The following RALYL variants were observed in gnomAD, a reference collection of about 807,000 sequenced individuals.
The protein encoded by RALYL is RNA-binding Raly-like protein.
Under a neutral mutation model 35.1 loss-of-function variants are expected in RALYL, and 29 were observed. That is an observed-to-expected ratio of 0.83 (90% CI 0.61 to 1.13). The LOEUF (loss-of-function observed/expected upper bound fraction) is 1.13. Ranked by LOEUF, RALYL falls within the 50% of genes most tolerant of loss-of-function variation. The pLI is 0.00. For missense variants in RALYL, 359 were observed against 360.4 expected (o/e 1.00, Z 0.03); for synonymous variants, 120 against 127.6 (o/e 0.94, Z 0.40).
intron 2 of RALYL, among the ~76,000 whole-genome samples, chr8:84,728,922 T>G (rs1314370427): frequency 1.3e-5 from 2 of 152,196 alleles, no homozygotes; most frequent in Non-Finnish European, 2.9e-5. Flanking sequence ...GCCTCCAGCT[T>G]TGTTCTTTTG....
chr8:84,853,838 C>CT (rs1836384202), intron 5 of RALYL, among the ~76,000 whole-genome samples: 1 of 149,394 alleles, frequency 6.7e-6, no homozygotes, highest in Non-Finnish European at 1.5e-5. Flanking sequence ...TTTGTGTTTT[C>CT]TTTTTCTCTC....
chr8:84,361,888 C>A (rs1853119294), intron 1 of RALYL, among the ~76,000 whole-genome samples: 1 of 152,090 alleles, frequency 6.6e-6, no homozygotes, highest in Non-Finnish European at 1.5e-5. Flanking sequence ...GTAGAAGAAG[C>A]CCCTGTTTTA....
At chr8:84,700,907 T>C (rs1376697186) in intron 2 of RALYL, among the ~76,000 whole-genome samples, 1 of 152,172 alleles carries the variant, frequency 6.6e-6, no homozygotes, top group Non-Finnish European at 1.5e-5. Context: ...TGAAAATTAT[T>C]TGGTTGTTAT....
At chr8:84,352,950 T>C (rs1307354140) in intron 1 of RALYL, among the ~76,000 whole-genome samples, 1 of 150,168 alleles carries the variant, frequency 6.7e-6, no homozygotes, top group African/African-American at 2.5e-5. Flanking sequence ...ATCTATTTCA[T>C]AGAAACCCAA....
At chr8:84,820,412 G>T (rs924071010) in intron 4 of RALYL, among the ~76,000 whole-genome samples, 6 of 152,154 alleles carry the variant, frequency 3.9e-5, no homozygotes, top group Non-Finnish European at 7.4e-5. Flanking sequence ...AACCTTAAGT[G>T]ATGTTTCAGA....
intron 1 of RALYL, among the ~76,000 whole-genome samples, chr8:84,417,382 A>G (rs2044837599): frequency 6.6e-6 from 1 of 152,154 alleles, no homozygotes; most frequent in African/African-American, 2.4e-5. Flanking sequence ...CAGAATCCTC[A>G]GTATTTGGCA....
chr8:84,876,386 T>A (rs2135286347), intron 7 of RALYL, among the ~76,000 whole-genome samples: 1 of 152,344 alleles, frequency 6.6e-6, no homozygotes, highest in Non-Finnish European at 1.5e-5. Context: ...ATATAGTGAC[T>A]ATGTAGATTA....
chr8:84,375,912 A>T (rs981153341), intron 1 of RALYL, among the ~76,000 whole-genome samples: 1 of 151,870 alleles, frequency 6.6e-6, no homozygotes, highest in Non-Finnish European at 1.5e-5. Context: ...ATCTCCAAAA[A>T]AGACTGTGAT....
At chr8:84,862,137 A>G (rs1188977321) in intron 5 of RALYL, among the ~76,000 whole-genome samples, 159 bp from the exon 6 acceptor site, 1 of 152,240 alleles carries the variant, frequency 6.6e-6, no homozygotes, top group African/African-American at 2.4e-5. Flanking sequence ...TGAAAATTAA[A>G]TCTGCCAATA....
At chr8:84,888,268 C>T (rs903000009) in intron 8 of RALYL, among the ~76,000 whole-genome samples, 3 of 152,172 alleles carry the variant, frequency 2.0e-5, no homozygotes, top group African/African-American at 7.2e-5. Flanking sequence ...AATGCCTGTA[C>T]TGCCTGATAA....
intron 2 of RALYL, among the ~76,000 whole-genome samples, chr8:84,592,721 A>G (rs1488694434): frequency 6.6e-6 from 1 of 152,208 alleles, no homozygotes; most frequent in African/African-American, 2.4e-5. Context: ...GGTTAAACCA[A>G]GAAGACTGGG....
At chr8:84,653,038 G>A (rs1829174782) in intron 2 of RALYL, among the ~76,000 whole-genome samples, 1 of 152,020 alleles carries the variant, frequency 6.6e-6, no homozygotes, top group Non-Finnish European at 1.5e-5. Flanking sequence ...ATCTCACTGT[G>A]TATACCAGTT....
At chr8:84,777,752 C>T (rs1364952379) in intron 3 of RALYL, among the ~76,000 whole-genome samples, 2 of 152,130 alleles carry the variant, frequency 1.3e-5, no homozygotes, top group Non-Finnish European at 2.9e-5. Flanking sequence ...TGCCATACCC[C>T]TGCCTCAGCC....
intron 1 of RALYL, among the ~76,000 whole-genome samples, chr8:84,188,653 C>A (rs1324486788): frequency 3.3e-5 from 5 of 152,042 alleles, no homozygotes; most frequent in Non-Finnish European, 5.9e-5. Flanking sequence ...CTGAATGTAT[C>A]AATAGCAAGT....
rs570066503 is a variant in RALYL at position 84,897,224 on chromosome 8, C to T, written c.858+9448C>T. Among the ~76,000 whole-genome samples, 41 of 152,206 alleles carry T rather than the reference C, an allele frequency of 2.7e-4. 2 individuals carry two copies. The South Asian group carries it at 8.1e-3, about 30-fold the overall frequency. The stretch of plus-strand genomic sequence containing the variant: ...GGCACAAAGTAAACAAGTAAATTGC[C>T]GCTGTTATCATTATTGCTATTGTTA... On this transcript the variant is annotated intron_variant, in intron 8 of 8. Coordinates refer to ENST00000521268, the MANE Select transcript of RALYL (RefSeq NM_173848.7).
chr8:84,441,582 G>A (rs923699980), intron 1 of RALYL, among the ~76,000 whole-genome samples: 2 of 152,066 alleles, frequency 1.3e-5, no homozygotes, highest in Non-Finnish European at 2.9e-5. Context: ...AAAGCCCTCA[G>A]GCATGAACGA....
intron 3 of RALYL, among the ~76,000 whole-genome samples, chr8:84,776,757 G>T (rs1816940716): frequency 6.6e-6 from 1 of 152,086 alleles, no homozygotes; most frequent in Non-Finnish European, 1.5e-5. Flanking sequence ...TATGAGAATG[G>T]AAGCTCATGA....
intron 1 of RALYL, among the ~76,000 whole-genome samples, chr8:84,497,767 G>A (rs185563887): frequency 5.3e-4 from 79 of 148,572 alleles, no homozygotes; most frequent in African/African-American, 1.8e-3. Context: ...TCAGCCTCCC[G>A]AGTAGGTGGG....
chr8:84,481,103 C>G (rs948387701), intron 1 of RALYL, among the ~76,000 whole-genome samples: 1 of 152,022 alleles, frequency 6.6e-6, no homozygotes, highest in Non-Finnish European at 1.5e-5. Flanking sequence ...GATGTAGAAG[C>G]CTTGGCCAAA....
Sources: gnomAD v4.1 joint callset for allele counts (sites outside exome capture counted in the v4.1 genomes callset) on GRCh38, gnomAD v4.1.1 for gene constraint, MANE v1.5 for transcripts, NCBI Gene and HGNC (gene_info 2026-07-23, HGNC 2026-07-21) for gene names.